Variants in IL12RB1 observed in about 807,000 individuals in gnomAD.
IL12RB1 encodes interleukin 12 receptor subunit beta 1, also known as interleukin-12 receptor subunit beta-1.
A neutral mutation model predicts 94.4 loss-of-function variants in IL12RB1; 64 were observed. The observed-to-expected ratio is 0.68, with a 90% confidence interval of 0.55 to 0.83. The LOEUF is 0.83. Among genes scored for constraint, IL12RB1 ranks in the 40% least tolerant of loss-of-function variants. The probability of loss-of-function intolerance (pLI) is 0.00; values close to 1 mark genes in which losing one functional copy is unlikely to be tolerated. For missense variants in IL12RB1, 814 were observed against 855.6 expected, an observed-to-expected ratio of 0.95 and a Z score of 0.61; for synonymous variants, 362 against 355.5, an observed-to-expected ratio of 1.02 and a Z score of -0.21.
chr19:18,073,539 C>T lies in IL12RB1; in HGVS notation c.761G>A (p.Arg254Lys). 1 of 1,611,880 alleles carries T rather than the reference C, an allele frequency of 6.2e-7. No individual in the cohort carries two copies. Among genetic ancestry groups the T allele is most frequent in the Non-Finnish European group, 8.5e-7 (1 of 1,178,056 alleles). Residue 254 changes from arginine to lysine, a missense_variant, in exon 8 of 17, where the codon AGG becomes AAG. By Grantham distance (26) the Arg-to-Lys change is conservative. Coordinates refer to ENST00000593993, the MANE Select transcript of IL12RB1 (RefSeq NM_005535.3). ...SVEQLGQDGR[R>K]RLTLKEQPTQ... ...TACCTGCTCTTTCAGGGTCAGCCGC[C>T]TCCTCCCATCCTGGCCCAGCTGCTC...
intron 4 of IL12RB1, among the ~76,000 whole-genome samples, chr19:18,080,150 G>T (rs1156681721): frequency 6.6e-6 from 1 of 151,718 alleles, no homozygotes; most frequent in Non-Finnish European, 1.5e-5. Flanking sequence ...CTGCCTCCTG[G>T]ATTCAAGCCA....
chr19:18,096,197 GCA>G, intron 1 of IL12RB1, among the ~76,000 whole-genome samples: 1 of 151,990 alleles, frequency 6.6e-6, no homozygotes, highest in East Asian at 1.9e-4. Flanking sequence ...AGACAAGATT[GCA>G]CCACTGCACT....
chr19:18,076,692 C>T (rs963481470), intron 5 of IL12RB1, among the ~76,000 whole-genome samples: 2 of 152,170 alleles, frequency 1.3e-5, no homozygotes, highest in Non-Finnish European at 2.9e-5. Context: ...AGGCGTGAGC[C>T]ACCGCACCTC....
chr19:18,072,039 T>G, intron 9 of IL12RB1, 73 bp downstream of exon 9: 1 of 1,037,730 alleles, frequency 9.6e-7, no homozygotes. Flanking sequence ...CTCACCCTGG[T>G]CTAGCTGAGG....
chr19:18,073,235 C>A (rs931501340), intron 8 of IL12RB1, among the ~76,000 whole-genome samples: 1 of 152,068 alleles, frequency 6.6e-6, no homozygotes, highest in African/African-American at 2.4e-5. Flanking sequence ...CCATTATCTC[C>A]TTCCTGGCCT....
chr19:18,097,158 C>T (rs1208804884), intron 1 of IL12RB1, among the ~76,000 whole-genome samples: 1 of 151,970 alleles, frequency 6.6e-6, no homozygotes, highest in Non-Finnish European at 1.5e-5. Context: ...GCTGTGTGTA[C>T]TGGGCACATT....
At chr19:18,081,888 T>C (rs983901245) in intron 3 of IL12RB1, among the ~76,000 whole-genome samples, 1 of 140,704 alleles carries the variant, frequency 7.1e-6, no homozygotes, top group Non-Finnish European at 1.6e-5. Context: ...GGATGGATGG[T>C]TGGATGGGTG....
intron 3 of IL12RB1, 42 bp from the exon 4 acceptor site, chr19:18,081,043 T>C (rs1489873534): frequency 1.3e-6 from 2 of 1,570,232 alleles, no homozygotes; most frequent in Non-Finnish European, 8.7e-7. Flanking sequence ...TCTGGGGTCC[T>C]AGTGGACCCC....
upstream of IL12RB1, among the ~76,000 whole-genome samples, chr19:18,088,923 G>A (rs371149490): frequency 7.3e-5 from 11 of 151,692 alleles, no homozygotes; most frequent in Non-Finnish European, 1.5e-4. Context: ...CCAGCTATTC[G>A]GGAGGCTGAG....
intron 4 of IL12RB1, among the ~76,000 whole-genome samples, chr19:18,079,647 C>T (rs1022848970): frequency 4.6e-5 from 7 of 151,944 alleles, no homozygotes; most frequent in South Asian, 2.1e-4. Context: ...CGGTGGCTCA[C>T]GCCTGTAATC....
At chr19:18,068,900 C>T (rs899855825) in intron 10 of IL12RB1, among the ~76,000 whole-genome samples, 3 of 152,056 alleles carry the variant, frequency 2.0e-5, no homozygotes, top group Admixed American at 6.6e-5. Flanking sequence ...CAGGTGCACA[C>T]CATCATGCCT....
intron 11 of IL12RB1, 58 bp from the exon 12 acceptor site, chr19:18,066,755 A>G (rs915966859): frequency 1.3e-5 from 18 of 1,438,848 alleles, no homozygotes; most frequent in Non-Finnish European, 1.7e-5. Flanking sequence ...GGCCTGGCAC[A>G]GTGGCTCGCA....
intron 2 of IL12RB1, 83 bp from the exon 3 acceptor site, chr19:18,082,347 A>T (rs1291716628): frequency 1.2e-6 from 1 of 802,864 alleles, no homozygotes. Flanking sequence ...TGATGCTTAC[A>T]TCTTTCAGCG....
chr19:18,098,681 T>C (rs955530257), intron 1 of IL12RB1: 1 of 455,330 alleles, frequency 2.2e-6, no homozygotes, highest in Non-Finnish European at 4.4e-6. Flanking sequence ...TTGGCCATTT[T>C]CCTCTGGGAC....
chr19:18,083,632 C>G (rs1212852729), intron 1 of IL12RB1, 141 bp from the exon 2 acceptor site: 1 of 746,536 alleles, frequency 1.3e-6, no homozygotes, highest in African/African-American at 1.7e-5. Context: ...CCTACCACCA[C>G]CCATCCATCC....
At chr19:18,085,452 G>C (rs1304337142) in intron 1 of IL12RB1, among the ~76,000 whole-genome samples, 1 of 150,162 alleles carries the variant, frequency 6.7e-6, no homozygotes, top group Non-Finnish European at 1.5e-5. Flanking sequence ...CCCCCTCCCT[G>C]CTGCTGGTCT....
Position 18,072,321 on chromosome 19 carries a change from C to T in IL12RB1, c.812G>A (p.Cys271Tyr), listed in dbSNP as rs765469185. 3 of 1,614,016 alleles carry T rather than the reference C, an allele frequency of 1.9e-6. No homozygotes were observed. The South Asian group carries it at 3.3e-5, about 18-fold the overall frequency. The change falls in exon 9 of 17, where the codon TGT (cysteine) becomes TAT (tyrosine). Residue 271 changes from cysteine to tyrosine, a missense_variant. By Grantham distance (194) the Cys-to-Tyr change is radical. Transcript: ENST00000593993. The stretch of plus-strand genomic sequence containing the variant: ...CTCCGTGCCAGGCGCCAGCCCTTGA[C>T]AGCCTTCTGGAAGCTCCAGCTGGGT... ...QPTQLELPEG[C>Y]QGLAPGTEVT...
chr19:18,079,751 G>T (rs565737789), intron 4 of IL12RB1, among the ~76,000 whole-genome samples: 185 of 152,164 alleles, frequency 1.2e-3, no homozygotes, highest in African/African-American at 4.3e-3. Context: ...CAAAAACTTA[G>T]CCGGGCGCGG....
chr19:18,087,012 G>A (rs2036395416), upstream of IL12RB1: 1 of 1,282,720 alleles, frequency 7.8e-7, no homozygotes, highest in Non-Finnish European at 1.1e-6. Context: ...AGAAACCCAG[G>A]AAGTCAGCTC....
Sources: allele counts gnomAD v4.1 joint callset (sites outside exome capture counted in the v4.1 genomes callset), GRCh38; gene constraint gnomAD v4.1.1; transcripts MANE v1.5; gene names NCBI Gene and HGNC (gene_info 2026-07-23, HGNC 2026-07-21).